The following ASB3 variants were observed in gnomAD, a reference collection of about 807,000 sequenced individuals.
ASB3 encodes ankyrin repeat and SOCS box protein 3.
A neutral mutation model predicts 54.5 loss-of-function variants in ASB3; 41 were observed. The ratio of observed to expected loss-of-function variants is 0.75; its 90% CI spans 0.59 to 0.98. ASB3 has a LOEUF of 0.98. ASB3 is among the 50% of genes least tolerant of loss of function. The pLI is 0.00. For missense variants in ASB3, 733 were observed against 620.0 expected (o/e 1.18, Z -1.94); for synonymous variants, 266 against 221.2 (o/e 1.20, Z -1.80).
At chr2:53,740,766 A>G (rs1270736080) in intron 3 of ASB3, among the ~76,000 whole-genome samples, 1 of 152,212 alleles carries the variant, frequency 6.6e-6, no homozygotes, top group Non-Finnish European at 1.5e-5. Flanking sequence ...GGTTTCTAAC[A>G]GACAGGGAGA....
At chr2:53,767,964 C>G in intron 1 of ASB3, 13 of 1,614,128 alleles carry the variant, frequency 8.1e-6, no homozygotes, top group Non-Finnish European at 1.1e-5. Context: ...GATACATCAC[C>G]AACTACAGCA....
At chr2:53,687,245 T>C (rs759546108) in intron 9 of ASB3, among the ~76,000 whole-genome samples, 1 of 151,956 alleles carries the variant, frequency 6.6e-6, no homozygotes, top group Non-Finnish European at 1.5e-5. Flanking sequence ...TAACTATAAA[T>C]TTCTCGCTAA....
At chr2:53,673,849 C>CACA (rs1240829882) in intron 9 of ASB3, among the ~76,000 whole-genome samples, 1 of 152,152 alleles carries the variant, frequency 6.6e-6, no homozygotes, top group Admixed American at 6.6e-5. Context: ...CTTCTAAGAG[C>CACA]ACAACAGATC....
intron 3 of ASB3, among the ~76,000 whole-genome samples, chr2:53,744,405 TA>T (rs748981278): frequency 6.7e-6 from 1 of 148,492 alleles, no homozygotes; most frequent in Non-Finnish European, 1.5e-5. Context: ...ATAAAAAAAT[TA>T]AAAAAAATAA....
intron 1 of ASB3, among the ~76,000 whole-genome samples, chr2:53,782,882 G>A (rs960286228): frequency 3.3e-5 from 5 of 152,032 alleles, no homozygotes; most frequent in Admixed American, 1.3e-4. Flanking sequence ...CGCCTCCCAG[G>A]TTTAAGTGAT....
chr2:53,750,830 G>C lies in ASB3; in HGVS notation c.308C>G (p.Ala103Gly), dbSNP rs1169716826. ...KIVQILLEAG[A>G]DPNATTLEET... ...TTCTAAAGTAGTTGCATTAGGATCT[G>C]CCCCAGCTTCTAAAAGAATCTGTAC... Residue 103 changes from alanine (A) to glycine (G), a missense_variant, in exon 3 of 10, where the codon GCA becomes GGA. Ala to Gly is a moderately conservative substitution (Grantham distance 60). Coordinates refer to ENST00000263634, the MANE Select transcript of ASB3 (RefSeq NM_016115.5). The C allele has an allele frequency of 1.9e-6, 3 of 1,601,756 alleles. No homozygotes were observed. The highest frequency in any genetic ancestry group is 2.6e-6 in the Non-Finnish European group (3 of 1,174,180).
chr2:53,721,013 G>A (rs1670673431), intron 5 of ASB3, among the ~76,000 whole-genome samples: 1 of 151,818 alleles, frequency 6.6e-6, no homozygotes, highest in African/African-American at 2.4e-5. Context: ...CAGGTACTCA[G>A]GAGGCTGAGG....
At chr2:53,746,396 GA>G (rs925587975) in intron 3 of ASB3, among the ~76,000 whole-genome samples, 4 of 151,956 alleles carry the variant, frequency 2.6e-5, no homozygotes, top group African/African-American at 9.7e-5. Flanking sequence ...TCTAACTAAA[GA>G]GTTATATGTC....
chr2:53,764,760 G>C (rs183571957), intron 2 of ASB3, among the ~76,000 whole-genome samples: 1 of 152,328 alleles, frequency 6.6e-6, no homozygotes, highest in East Asian at 1.9e-4. Context: ...TGAATGCAGA[G>C]ATGTAAAGAG....
intron 9 of ASB3, among the ~76,000 whole-genome samples, chr2:53,681,096 T>C (rs1668345911): frequency 6.6e-6 from 1 of 152,234 alleles, no homozygotes; most frequent in Non-Finnish European, 1.5e-5. Context: ...TACTCTGTTG[T>C]GTATATGTAT....
At chr2:53,753,553 T>A (rs1271264967) in intron 2 of ASB3, among the ~76,000 whole-genome samples, 1 of 152,134 alleles carries the variant, frequency 6.6e-6, no homozygotes, top group Non-Finnish European at 1.5e-5. Context: ...TATAAATATA[T>A]GTTCTAGATC....
Position 53,700,654 on chromosome 2 carries a change from C to G in ASB3, c.981-126G>C, listed in dbSNP as rs905167731. 16 of 1,308,274 alleles carry G rather than the reference C, an allele frequency of 1.2e-5. 1 individual carries two copies. Among genetic ancestry groups the G allele is most frequent in the South Asian group, 4.7e-5 (3 of 63,180 alleles). The allele number at this position is 1,308,274 out of a possible 1,614,324, so 81.0% of individuals were successfully genotyped here. On this transcript the variant is annotated intron_variant, in intron 7 of 9. Coordinates refer to ENST00000263634, the MANE Select transcript of ASB3 (RefSeq NM_016115.5). ...TGGCAGATTAAATAGTGGATGGTTT[C>G]TACACATCTAGTGGATTGAGATTAG...
chr2:53,682,348 T>A (rs980682100), intron 9 of ASB3, among the ~76,000 whole-genome samples: 2 of 152,216 alleles, frequency 1.3e-5, no homozygotes, highest in African/African-American at 2.4e-5. Context: ...TTAATTTCTT[T>A]CATCAGTGTT....
At chr2:53,760,192 G>A (rs1381113701) in intron 2 of ASB3, among the ~76,000 whole-genome samples, 1 of 151,994 alleles carries the variant, frequency 6.6e-6, no homozygotes, top group African/African-American at 2.4e-5. Flanking sequence ...TTAGGAGAAG[G>A]AAAAAGGGTA....
At chr2:53,743,881 A>C (rs891768748) in intron 3 of ASB3, among the ~76,000 whole-genome samples, 1 of 151,960 alleles carries the variant, frequency 6.6e-6, no homozygotes, top group African/African-American at 2.4e-5. Flanking sequence ...CATCGCCACT[A>C]AATGTACAAA....
Position 53,700,313 on chromosome 2 carries a change from A to G in ASB3, c.1196T>C (p.Leu399Pro). The G allele has an allele frequency of 1.9e-6, 3 of 1,614,072 alleles. No individual in the cohort carries two copies. The highest frequency in any genetic ancestry group is 2.5e-6 in the Non-Finnish European group (3 of 1,179,992). ...AATCAGTGGGTCAAATCCAGCAACC[A>G]GAAGATGTGGCAACCACTCCTTATA... is the stretch of plus-strand genomic sequence containing the variant. ...AKYKEWLPHL[L>P]VAGFDPLILL... is the part of the protein sequence containing the mutation. The change falls in exon 8 of 10, where the codon CTG (leucine) becomes CCG (proline). Residue 399 changes from leucine to proline, a missense_variant. Leu to Pro is a moderately conservative substitution (Grantham distance 98). Coordinates refer to ENST00000263634, the MANE Select transcript of ASB3 (RefSeq NM_016115.5).
At chr2:53,691,697 A>T (rs1250479792) in intron 9 of ASB3, among the ~76,000 whole-genome samples, 1 of 152,160 alleles carries the variant, frequency 6.6e-6, no homozygotes, top group Non-Finnish European at 1.5e-5. Context: ...CTAAAAACTG[A>T]TGAGTAAAGG....
intron 3 of ASB3, among the ~76,000 whole-genome samples, chr2:53,746,921 A>T (rs1672260360): frequency 6.6e-6 from 1 of 152,184 alleles, no homozygotes; most frequent in Non-Finnish European, 1.5e-5. Context: ...ACAAAATGGT[A>T]AATTCACTGC....
intron 5 of ASB3, among the ~76,000 whole-genome samples, chr2:53,724,374 G>A (rs1222349293): frequency 6.6e-6 from 1 of 152,142 alleles, no homozygotes; most frequent in Non-Finnish European, 1.5e-5. Flanking sequence ...CAAGGCGGGT[G>A]GATCACGAGG....
Sources: allele counts gnomAD v4.1 joint callset (sites outside exome capture counted in the v4.1 genomes callset), GRCh38; gene constraint gnomAD v4.1.1; transcripts MANE v1.5; gene names NCBI Gene and HGNC (gene_info 2026-07-23, HGNC 2026-07-21).